The following FRYL variants were observed in gnomAD, a reference collection of about 807,000 sequenced individuals.
The protein encoded by FRYL is FRY like transcription coactivator.
A neutral mutation model predicts 351.2 loss-of-function variants in FRYL; 150 were observed. The ratio of observed to expected loss-of-function variants is 0.43; its 90% CI spans 0.37 to 0.49. The LOEUF (loss-of-function observed/expected upper bound fraction) is 0.49, where lower values mean the gene tolerates loss of function less well. FRYL is among the 20% of genes least tolerant of loss of function. The pLI is 0.00. For missense variants in FRYL, 3,036 were observed against 3,619.3 expected, an observed-to-expected ratio of 0.84 and a Z score of 4.13; for synonymous variants, 1,153 against 1,257.1, an observed-to-expected ratio of 0.92 and a Z score of 1.75.
chr4:48,515,914 A>C (rs1723491664), intron 55 of FRYL, among the ~76,000 whole-genome samples: 1 of 152,124 alleles, frequency 6.6e-6, no homozygotes, highest in African/African-American at 2.4e-5. Flanking sequence ...TCCTGTTTGA[A>C]ATGTCATTGC....
At chr4:48,594,618 T>C (rs1578267162) in intron 15 of FRYL, among the ~76,000 whole-genome samples, 1 of 152,372 alleles carries the variant, frequency 6.6e-6, no homozygotes, top group Middle Eastern at 3.4e-3. Context: ...CTTATCGAAT[T>C]ACCATTACTT....
At chr4:48,745,370 T>C (rs1027529898) in intron 1 of FRYL, among the ~76,000 whole-genome samples, 4 of 152,238 alleles carry the variant, frequency 2.6e-5, no homozygotes, top group Non-Finnish European at 5.9e-5. Context: ...CCATCAATGA[T>C]AGACTGGATT....
intron 3 of FRYL, chr4:48,637,455 T>C (rs1368144278): frequency 6.6e-6 from 1 of 152,100 alleles, no homozygotes; most frequent in Non-Finnish European, 1.5e-5. Flanking sequence ...TTAAATACCT[T>C]ATAATGCTAA....
intron 3 of FRYL, among the ~76,000 whole-genome samples, chr4:48,641,132 C>T: frequency 6.6e-6 from 1 of 152,040 alleles, no homozygotes; most frequent in East Asian, 1.9e-4. Context: ...TTTCAACTAC[C>T]TATCCAGAGG....
intron 3 of FRYL, among the ~76,000 whole-genome samples, chr4:48,679,542 G>A (rs1033973478): frequency 5.3e-5 from 8 of 151,914 alleles, no homozygotes; most frequent in African/African-American, 1.9e-4. Context: ...AAGGGCAGGG[G>A]GAAGGTGGGG....
intron 3 of FRYL, among the ~76,000 whole-genome samples, chr4:48,679,236 C>A (rs1480977541): frequency 6.6e-6 from 1 of 152,024 alleles, no homozygotes; most frequent in Non-Finnish European, 1.5e-5. Context: ...GAACAGTATA[C>A]AAAATTGGTA....
At chr4:48,713,979 G>A (rs368922697) in intron 1 of FRYL, among the ~76,000 whole-genome samples, 21 of 151,780 alleles carry the variant, frequency 1.4e-4, no homozygotes, top group African/African-American at 4.6e-4. Flanking sequence ...ACTCAAAACC[G>A]CTCAACTACA....
chr4:48,761,704 CAT>C (rs1371130438), intron 1 of FRYL, among the ~76,000 whole-genome samples: 1 of 152,078 alleles, frequency 6.6e-6, no homozygotes, highest in African/African-American at 2.4e-5. Flanking sequence ...AGTATCTAAA[CAT>C]AGAAATACTT....
chr4:48,734,205 T>A (rs1771034829), intron 1 of FRYL, among the ~76,000 whole-genome samples: 1 of 151,938 alleles, frequency 6.6e-6, no homozygotes, highest in Admixed American at 6.6e-5. Flanking sequence ...TAAAAGTAAA[T>A]GGATAAAGAA....
Position 48,551,563 on chromosome 4 carries a change from C to T in FRYL, c.4451G>A (p.Ser1484Asn). The change falls in exon 37 of 64, where the codon AGC becomes AAC. Residue 1484 changes from serine (S) to asparagine (N), a missense_variant. By Grantham distance (46) the Ser-to-Asn change is conservative. This residue lies in a region of FRYL where 1,987 missense variants were observed against 2,311.7 expected (regional missense o/e 0.86). Transcript: ENST00000358350. ...PSVTSGTTSS[S>N]NTMVAPTDGN... is the part of the protein sequence containing the mutation. Reference sequence around the variant, plus strand: ...ATCTGTGGGAGCTACCATTGTATTGCTACTGGAAGTAGTTCCTGTAATCAA... The same window carrying T: ...ATCTGTGGGAGCTACCATTGTATTGTTACTGGAAGTAGTTCCTGTAATCAA... 1.9e-6 allele frequency: 3 copies of T among 1,609,520 alleles called. No individual in the cohort carries two copies. The highest frequency in any genetic ancestry group is 1.7e-6 in the Non-Finnish European group (2 of 1,176,298).
intron 1 of FRYL, among the ~76,000 whole-genome samples, chr4:48,729,418 G>A (rs1381201020): frequency 2.0e-5 from 3 of 152,174 alleles, no homozygotes; most frequent in South Asian, 2.1e-4. Flanking sequence ...CTCTGATAAC[G>A]GACAGACTGC....
intron 2 of FRYL, among the ~76,000 whole-genome samples, chr4:48,701,579 T>C (rs895344120): frequency 5.9e-5 from 9 of 152,224 alleles, no homozygotes; most frequent in African/African-American, 2.2e-4. Flanking sequence ...CAGTAAATAA[T>C]ATTAGTACCC....
rs1560819877 is a variant in FRYL, at chr4:48,664,833, CAAAAT to C, written c.-81+19835_-81+19839del. ...CAAATATAGCAGTATCAAAGGTAAA[CAAAAT>C]AAACCACTCAATAATGAAGAGAATC... On this transcript the variant is annotated intron_variant, in intron 3 of 63. Coordinates refer to ENST00000358350, the MANE Select transcript of FRYL (RefSeq NM_015030.2). Among the ~76,000 whole-genome samples, 6 of 152,158 alleles carry C rather than the reference CAAAAT, an allele frequency of 3.9e-5. 1 individual carries two copies. Among genetic ancestry groups the C allele is most frequent in the African/African-American group, 1.4e-4 (6 of 41,512 alleles).
At chr4:48,502,938 G>C (rs1720046224) in intron 60 of FRYL, 93 bp from the exon 61 acceptor site, 18 of 943,140 alleles carry the variant, frequency 1.9e-5, no homozygotes, top group Non-Finnish European at 2.7e-5. Flanking sequence ...GGTCACAGAT[G>C]TTCCAGGTAA....
chr4:48,524,119 TATG>T (rs1725470863), intron 53 of FRYL, among the ~76,000 whole-genome samples: 2 of 152,118 alleles, frequency 1.3e-5, no homozygotes, highest in Admixed American at 6.6e-5. Flanking sequence ...GCTACCAAAA[TATG>T]ATTTTTTTTT....
intron 49 of FRYL, among the ~76,000 whole-genome samples, chr4:48,531,663 G>A (rs894681257): frequency 1.3e-5 from 2 of 152,066 alleles, no homozygotes; most frequent in African/African-American, 4.8e-5. Context: ...TGGCAGTAGT[G>A]GTAAACAAAA....
chr4:48,632,337 A>G (rs1396201681), intron 4 of FRYL, among the ~76,000 whole-genome samples: 1 of 150,064 alleles, frequency 6.7e-6, no homozygotes, highest in Non-Finnish European at 1.5e-5. Flanking sequence ...GACATTTTCC[A>G]TAATAAATTC....
chr4:48,702,664 T>C (rs1766881520), intron 2 of FRYL, among the ~76,000 whole-genome samples: 1 of 142,228 alleles, frequency 7.0e-6, no homozygotes, highest in African/African-American at 2.6e-5. Flanking sequence ...TCGTAGAGGC[T>C]GAAGCAGAAT....
chr4:48,694,241 T>C (rs1578743991), intron 2 of FRYL, among the ~76,000 whole-genome samples: 1 of 152,120 alleles, frequency 6.6e-6, no homozygotes, highest in South Asian at 2.1e-4. Context: ...AAGATATGTT[T>C]TCTAAAATCT....
Sources: gnomAD v4.1 joint callset for allele counts (sites outside exome capture counted in the v4.1 genomes callset) on GRCh38, gnomAD v4.1.1 for gene constraint, gnomAD v4.1.1 regional missense constraint, MANE v1.5 for transcripts, NCBI Gene and HGNC (gene_info 2026-07-23, HGNC 2026-07-21) for gene names.